DIMT1: variants seen among roughly 807,000 people sequenced by gnomAD.
DIMT1 encodes the protein dimethyladenosine transferase.
A neutral mutation model predicts 43.2 loss-of-function variants in DIMT1; 36 were observed. The ratio of observed to expected loss-of-function variants is 0.83; its 90% CI spans 0.64 to 1.10. DIMT1 has a LOEUF of 1.10. Among genes scored for constraint, DIMT1 ranks in the 50% least tolerant of loss-of-function variants. The pLI is 0.00. For synonymous variants in DIMT1, 126 were observed against 130.3 expected (o/e 0.97, Z 0.22); for missense variants, 341 against 385.3 (o/e 0.88, Z 0.96).
Position 62,396,221 on chromosome 5 carries a change from G to C in DIMT1, c.447-1614C>G, listed in dbSNP as rs138847125. On this transcript the variant is annotated intron_variant, in intron 6 of 11. Transcript: ENST00000199320. The stretch of plus-strand genomic sequence containing the variant: ...AAGACTGGGAAACGAAAATAAATCA[G>C]AAGGGCTGGGCACCATGGTTCATGC... 4.9e-3 allele frequency among the ~76,000 whole-genome samples: 709 copies of C among 145,492 alleles called. 4 individuals are homozygous for C. Among genetic ancestry groups the C allele is most frequent in the African/African-American group, 0.017 (670 of 38,860 alleles).
chr5:62,390,278 GACTT>G (rs1178545133), intron 11 of DIMT1, among the ~76,000 whole-genome samples: 1 of 152,108 alleles, frequency 6.6e-6, no homozygotes. Flanking sequence ...GTTTTCATAA[GACTT>G]ACTTGCTTAA....
At chr5:62,401,323 G>T (rs1441754898) in intron 3 of DIMT1, among the ~76,000 whole-genome samples, 3 of 151,346 alleles carry the variant, frequency 2.0e-5, no homozygotes, top group Non-Finnish European at 2.9e-5. Flanking sequence ...TGGTGAAACC[G>T]CATCTCTACT....
chr5:62,390,875 C>T lies in DIMT1; in HGVS notation c.899+1G>A. 6.2e-7 allele frequency: 1 copy of T among 1,610,606 alleles called. No individual in the cohort carries two copies. The highest frequency in any genetic ancestry group is 1.1e-5 in the South Asian group (1 of 90,960). ...ACTTAGGAAAACAAAAATGTAATTA[C>T]CTGATGAAGTCATCTATGTCCATGG... On this transcript the variant is annotated splice_donor_variant, in intron 11 of 11. Transcript: ENST00000199320. LOFTEE classifies it high-confidence loss of function.
At position 62,402,028 on chromosome 5, in the gene DIMT1, C is replaced by G; in HGVS notation, c.240+8G>C. On this transcript the variant is annotated splice_region_variant and intron_variant, in intron 3 of 11. Transcript: ENST00000199320. Reference sequence around the variant, plus strand: ...TTTGTGATACCAAACATTAAATCCCCTTTCTACCTTTTTTGCCTTTTCTAA... The same window carrying G: ...TTTGTGATACCAAACATTAAATCCCGTTTCTACCTTTTTTGCCTTTTCTAA... 6.2e-7 allele frequency: 1 copy of G among 1,612,982 alleles called. No homozygotes were observed. The highest frequency in any genetic ancestry group is 8.5e-7 in the Non-Finnish European group (1 of 1,179,560).
intron 3 of DIMT1, among the ~76,000 whole-genome samples, chr5:62,399,356 C>T (rs1379531537): frequency 6.6e-6 from 1 of 152,152 alleles, no homozygotes; most frequent in Non-Finnish European, 1.5e-5. Flanking sequence ...ATCCCAGCTA[C>T]TCGGGAGGCT....
intron 9 of DIMT1, among the ~76,000 whole-genome samples, chr5:62,392,495 C>T (rs1399645504): frequency 6.9e-6 from 1 of 144,104 alleles, no homozygotes; most frequent in Non-Finnish European, 1.5e-5. Flanking sequence ...CTAGACTCTC[C>T]ACAAAAAATC....
At chr5:62,396,317 T>C (rs2112045399) in intron 6 of DIMT1, among the ~76,000 whole-genome samples, 1 of 151,872 alleles carries the variant, frequency 6.6e-6, no homozygotes, top group South Asian at 2.1e-4. Context: ...GGAGACAGCC[T>C]GGGCAACATG....
intron 8 of DIMT1, among the ~76,000 whole-genome samples, chr5:62,393,434 T>C (rs1450972445): frequency 3.3e-5 from 5 of 152,124 alleles, no homozygotes; most frequent in Non-Finnish European, 1.5e-5. Flanking sequence ...ACAAAGAACA[T>C]GGCGTTTATT....
At position 62,398,524 on chromosome 5, in the gene DIMT1, G is replaced by T; in HGVS notation, c.433C>A (p.Arg145=). ...SPFVFKLLLH[R]PFFRCAILMF... is the part of the protein sequence containing the mutation. ...TTTGTCACAAACCTGAAAAAAGGTC[G>T]ATGTAGCAACAGCTTGAAGACAAAA... Residue 145 remains arginine (R), a synonymous_variant, in exon 6 of 12, where the codon CGA becomes AGA. Coordinates refer to ENST00000199320, the MANE Select transcript of DIMT1 (RefSeq NM_014473.4). The T allele has an allele frequency of 6.2e-7, 1 of 1,612,384 alleles. No individual in the cohort carries two copies. Among genetic ancestry groups the T allele is most frequent in the South Asian group, 1.1e-5 (1 of 91,004 alleles).
At position 62,392,203 on chromosome 5, in the gene DIMT1, T is replaced by C. The variant is rs1742330466; in HGVS notation, c.760A>G (p.Asn254Asp). The C allele has an allele frequency of 6.2e-7, 1 of 1,613,582 alleles. No homozygotes were observed. The highest frequency in any genetic ancestry group is 1.1e-5 in the South Asian group (1 of 91,022). Residue 254 changes from asparagine to aspartate, a missense_variant, in exon 10 of 12, where the codon AAC becomes GAC. Transcript: ENST00000199320. ...TGGACTGAACAGTGAATTCTGTAGT[T>C]TTTTTCCAAGAGTTGTTGCACTGCA... ...SSAVQQLLEK[N>D]YRIHCSVHNI...
At chr5:62,396,354 A>T (rs1457025820) in intron 6 of DIMT1, among the ~76,000 whole-genome samples, 2 of 151,828 alleles carry the variant, frequency 1.3e-5, no homozygotes, top group African/African-American at 4.8e-5. Context: ...AAAAAAATAC[A>T]ACAATTAGCT....
rs1400189644 is a variant in DIMT1 at position 62,394,684 on chromosome 5, T to C, written c.447-77A>G. On this transcript the variant is annotated intron_variant, in intron 6 of 11. Coordinates refer to ENST00000199320, the MANE Select transcript of DIMT1 (RefSeq NM_014473.4). ...TGAATTTTAACTGCAATGAATTTTCTTGGGAGAGAAATAGCAAAGCATTGG... is the reference window on the plus strand; with the variant it reads ...TGAATTTTAACTGCAATGAATTTTCCTGGGAGAGAAATAGCAAAGCATTGG... 7 of 1,592,186 alleles carry C rather than the reference T, an allele frequency of 4.4e-6. No homozygotes were observed. The Admixed American group carries it at 1.0e-4, about 23-fold the overall frequency.
rs749141596 is a variant in DIMT1, at chr5:62,398,671, G to A, written c.371C>T (p.Thr124Ile). 6.2e-7 allele frequency: 1 copy of A among 1,614,186 alleles called. No homozygotes were observed. The highest frequency in any genetic ancestry group is 8.5e-7 in the Non-Finnish European group (1 of 1,180,040). ...CTGATAAGGCAAATTTGCCACACAAGTATCAAAGAATGGCAAATCTGTTTT... is the reference window on the plus strand; with the variant it reads ...CTGATAAGGCAAATTTGCCACACAAATATCAAAGAATGGCAAATCTGTTTT... ...VLKTDLPFFD[T>I]CVANLPYQIS... Residue 124 changes from threonine (T) to isoleucine (I), a missense_variant, in exon 5 of 12, where the codon ACT becomes ATT. By Grantham distance (89) the Thr-to-Ile change is moderately conservative. Transcript: ENST00000199320.
chr5:62,399,661 G>A (rs1038557658), intron 3 of DIMT1, among the ~76,000 whole-genome samples: 13 of 146,292 alleles, frequency 8.9e-5, no homozygotes, highest in Middle Eastern at 3.8e-3. Flanking sequence ...AAAAAAAGCC[G>A]GGTGTGAGGC....
At chr5:62,397,123 T>A (rs1742524230) in intron 6 of DIMT1, among the ~76,000 whole-genome samples, 2 of 151,852 alleles carry the variant, frequency 1.3e-5, no homozygotes, top group Admixed American at 1.3e-4. Flanking sequence ...CTAATTTTTT[T>A]ATTTTTAGTA....
chr5:62,398,911 G>A (rs1225200752), intron 3 of DIMT1, 30 bp from the exon 4 acceptor site: 2 of 1,500,668 alleles, frequency 1.3e-6, no homozygotes, highest in Non-Finnish European at 1.8e-6. Context: ...AATTATTTAG[G>A]TTAATTATGG....
chr5:62,389,690 T>G (rs1422039683), intron 11 of DIMT1, among the ~76,000 whole-genome samples: 2 of 152,060 alleles, frequency 1.3e-5, no homozygotes, highest in African/African-American at 2.4e-5. Context: ...CTGTTTGGAA[T>G]TGGCAGAAGT....
chr5:62,392,313 C>A lies in DIMT1; in HGVS notation c.729-79G>T. On this transcript the variant is annotated intron_variant, in intron 9 of 11. Transcript: ENST00000199320. ...CTTACTTTTTTAAACTTTTTTTTAA[C>A]TAATACATAAGCCATTTAAGCAATA... 5.3e-6 allele frequency: 6 copies of A among 1,130,506 alleles called. No homozygotes were observed. The East Asian group carries it at 1.2e-4, about 22-fold the overall frequency. The allele number at this position is 1,130,506 out of a possible 1,614,324, so 70.0% of individuals were successfully genotyped here.
intron 3 of DIMT1, among the ~76,000 whole-genome samples, chr5:62,400,081 A>G (rs1742646739): frequency 6.6e-6 from 1 of 152,212 alleles, no homozygotes; most frequent in East Asian, 1.9e-4. Flanking sequence ...TTGTTAGAGA[A>G]GAGCGTACAA....
Sources: allele counts gnomAD v4.1 joint callset (sites outside exome capture counted in the v4.1 genomes callset), GRCh38; gene constraint gnomAD v4.1.1; transcripts MANE v1.5; gene names NCBI Gene and HGNC (gene_info 2026-07-23, HGNC 2026-07-21).